LPIN2: variants seen among roughly 807,000 people sequenced by gnomAD.
The protein encoded by LPIN2 is phosphatidate phosphatase LPIN2.
Under a neutral mutation model 111.4 loss-of-function variants are expected in LPIN2, and 55 were observed. The ratio of observed to expected loss-of-function variants is 0.49; its 90% CI spans 0.40 to 0.62. LPIN2 has a LOEUF of 0.62. LPIN2 is among the 20% of genes least tolerant of loss of function. The probability of loss-of-function intolerance (pLI) is 0.00; values close to 1 mark genes in which losing one functional copy is unlikely to be tolerated. For synonymous variants in LPIN2, 425 were observed against 414.0 expected (o/e 1.03, Z -0.32); for missense variants, 992 against 1,112.1 (o/e 0.89, Z 1.54).
intron 2 of LPIN2, among the ~76,000 whole-genome samples, chr18:2,957,289 C>A (rs546407881): frequency 1.3e-5 from 2 of 152,124 alleles, no homozygotes; most frequent in Admixed American, 6.5e-5. Context: ...ATCCAAAAAT[C>A]TGAAATCTAA....
intron 1 of LPIN2, among the ~76,000 whole-genome samples, chr18:2,993,562 T>TA (rs139537001): frequency 0.027 from 4,150 of 152,152 alleles, 84 homozygotes; most frequent in African/African-American, 0.058. Flanking sequence ...TCCCACAACT[T>TA]AGTTTTTACC....
intron 1 of LPIN2, among the ~76,000 whole-genome samples, chr18:2,979,307 C>T (rs1294999944): frequency 1.3e-5 from 2 of 152,176 alleles, no homozygotes; most frequent in Non-Finnish European, 2.9e-5. Context: ...GCTCACCAGG[C>T]ACTCTAACGC....
chr18:2,945,536 C>T, intron 4 of LPIN2: 5 of 1,240,852 alleles, frequency 4.0e-6, no homozygotes, highest in Non-Finnish European at 4.8e-6. Context: ...GCCTTCCTCC[C>T]ATCTCCCACT....
intron 1 of LPIN2, among the ~76,000 whole-genome samples, chr18:3,006,158 T>G (rs954209293): frequency 4.6e-5 from 7 of 152,180 alleles, no homozygotes; most frequent in African/African-American, 1.7e-4. Flanking sequence ...CCTAAAGAAG[T>G]TGTTCAATAA....
At chr18:2,949,942 T>A (rs1167583286) in intron 4 of LPIN2, among the ~76,000 whole-genome samples, 2 of 151,248 alleles carry the variant, frequency 1.3e-5, no homozygotes, top group Non-Finnish European at 2.9e-5. Flanking sequence ...CTACAGAAAA[T>A]TTTTAAAAAC....
intron 1 of LPIN2, among the ~76,000 whole-genome samples, chr18:2,979,416 T>TA (rs2078072487): frequency 6.6e-6 from 1 of 152,178 alleles, no homozygotes; most frequent in Non-Finnish European, 1.5e-5. Flanking sequence ...CCAGCTGTGT[T>TA]ATTCATAAAC....
intron 17 of LPIN2, 47 bp from the exon 18 acceptor site, chr18:2,921,694 T>G (rs756659118): frequency 7.3e-7 from 1 of 1,367,460 alleles, no homozygotes; most frequent in Admixed American, 1.7e-5. Flanking sequence ...AATGGTCGTT[T>G]TCCCCAGTGA....
Position 2,960,801 on chromosome 18 carries a change from T to A in LPIN2, c.40A>T (p.Thr14Ser). 6.2e-7 allele frequency: 1 copy of A among 1,614,104 alleles called. No homozygotes were observed. The highest frequency in any genetic ancestry group is 8.5e-7 in the Non-Finnish European group (1 of 1,180,026). Reference protein sequence around the residue: ...VGQLAGQVIVTVKELYKGINQ... With the variant: ...VGQLAGQVIVSVKELYKGINQ... ...ATGCCCTTGTAGAGTTCCTTCACAGTGACAATCACCTGCCCAGCCAGCTGT... is the reference window on the plus strand; with the variant it reads ...ATGCCCTTGTAGAGTTCCTTCACAGAGACAATCACCTGCCCAGCCAGCTGT... The change falls in exon 2 of 20, where the codon ACT (threonine) becomes TCT (serine). Residue 14 changes from threonine to serine, a missense_variant. By Grantham distance (58) the Thr-to-Ser change is moderately conservative (BLOSUM62 1). Around this residue, in one of 4 missense-constraint regions of LPIN2, gnomAD observed 67 missense variants for 112.1 expected, o/e 0.60. Coordinates refer to ENST00000677752, the MANE Select transcript of LPIN2 (RefSeq NM_001375808.2).
chr18:2,959,928 C>T (rs921131571), intron 2 of LPIN2, among the ~76,000 whole-genome samples: 36 of 151,914 alleles, frequency 2.4e-4, no homozygotes, highest in Admixed American at 8.5e-4. Flanking sequence ...TTTGGGAGGC[C>T]GAGGCCGAAG....
rs55844718 is a variant in LPIN2, at chr18:2,956,311, G to GGTGTGTGTGTGTGTGTGT, written c.193-1730_193-1713dup. ...CATGATTTTCATATATAGATGCAGGGGTGTGTGTGTGTGTGTGTGTGTGTG... is the reference window on the plus strand; with the variant it reads ...CATGATTTTCATATATAGATGCAGGGGTGTGTGTGTGTGTGTGTGTGTGTGTGTGTGTGTGTGTGTGTG... On this transcript the variant is annotated intron_variant, in intron 2 of 19. Transcript: ENST00000677752. Among the ~76,000 whole-genome samples the GGTGTGTGTGTGTGTGTGT allele has an allele frequency of 4.0e-3, 581 of 144,020 alleles. 11 individuals are homozygous for GGTGTGTGTGTGTGTGTGT. Among genetic ancestry groups the GGTGTGTGTGTGTGTGTGT allele is most frequent in the South Asian group, 8.6e-3 (39 of 4,536 alleles). The allele number at this position is 144,020 out of a possible 152,430, so 94.5% of individuals were successfully genotyped here.
At chr18:2,985,391 A>C (rs917598365) in intron 1 of LPIN2, 3 of 152,210 alleles carry the variant, frequency 2.0e-5, no homozygotes, top group African/African-American at 7.2e-5. Flanking sequence ...TAAAATAAAA[A>C]TAAATGACTA....
At position 2,922,160 on chromosome 18, in the gene LPIN2, G is replaced by A. The variant is rs769457477; in HGVS notation, c.2214C>T (p.Ile738=). The part of the protein sequence containing the change: ...YKFLYCSARA[I]GMADMTRGYL... Reference sequence around the variant, plus strand: ...AGCCACGGGTCATGTCGGCCATGCCGATGGCACGAGCCGAGCAGTACAGAA... The same window carrying A: ...AGCCACGGGTCATGTCGGCCATGCCAATGGCACGAGCCGAGCAGTACAGAA... The change falls in exon 17 of 20, where the codon ATC becomes ATT. Residue 738 remains isoleucine (I), a synonymous_variant. Transcript: ENST00000677752. 8 of 1,613,830 alleles carry A rather than the reference G, an allele frequency of 5.0e-6. No homozygotes were observed. Among genetic ancestry groups the A allele is most frequent in the East Asian group, 2.2e-5 (1 of 44,894 alleles).
Position 3,003,022 on chromosome 18 carries a change from C to T in LPIN2, c.-10+10065G>A, listed in dbSNP as rs138386029. On this transcript the variant is annotated intron_variant, in intron 1 of 19. Coordinates refer to ENST00000677752, the MANE Select transcript of LPIN2 (RefSeq NM_001375808.2). The stretch of plus-strand genomic sequence containing the variant: ...GCCTAGTAAGACCTAGAGGTGGATG[C>T]GGGCTCCAGTTTAACATATGACCTC... 1.6e-3 allele frequency among the ~76,000 whole-genome samples: 245 copies of T among 152,340 alleles called. 1 individual carries two copies. Among genetic ancestry groups the T allele is most frequent in the African/African-American group, 5.4e-3 (226 of 41,586 alleles).
At chr18:2,958,505 T>C (rs2143181046) in intron 2 of LPIN2, among the ~76,000 whole-genome samples, 1 of 152,274 alleles carries the variant, frequency 6.6e-6, no homozygotes, top group South Asian at 2.1e-4. Flanking sequence ...AGACAAATAG[T>C]TAATGCAAAT....
chr18:2,999,299 A>T (rs1052448401), intron 1 of LPIN2, among the ~76,000 whole-genome samples: 2 of 152,202 alleles, frequency 1.3e-5, no homozygotes, highest in African/African-American at 2.4e-5. Flanking sequence ...ATGTCCTTAT[A>T]AAAAGAGGAA....
intron 2 of LPIN2, among the ~76,000 whole-genome samples, chr18:2,957,947 T>TGA (rs2077637823): frequency 6.6e-6 from 1 of 151,250 alleles, no homozygotes; most frequent in Non-Finnish European, 1.5e-5. Context: ...GATCAGGTAA[T>TGA]CCTAGCCAAC....
chr18:2,981,937 A>T (rs918966275), intron 1 of LPIN2, among the ~76,000 whole-genome samples: 2 of 152,238 alleles, frequency 1.3e-5, no homozygotes, highest in South Asian at 2.1e-4. Flanking sequence ...TTTAAAAAAT[A>T]ACCTTGAAAA....
At chr18:2,931,057 C>G (rs935937527) in intron 9 of LPIN2, among the ~76,000 whole-genome samples, 199 bp downstream of exon 9, 6 of 152,156 alleles carry the variant, frequency 3.9e-5, no homozygotes, top group Non-Finnish European at 8.8e-5. Flanking sequence ...GGCACACTAC[C>G]TCAAAGCCAC....
intron 2 of LPIN2, among the ~76,000 whole-genome samples, chr18:2,958,600 T>C (rs1273703457): frequency 6.6e-6 from 1 of 152,132 alleles, no homozygotes; most frequent in Non-Finnish European, 1.5e-5. Context: ...TTTTGGTAAA[T>C]CAAATGGCCA....
Sources: allele counts gnomAD v4.1 joint callset (sites outside exome capture counted in the v4.1 genomes callset), GRCh38; gene constraint gnomAD v4.1.1; regional missense constraint gnomAD v4.1.1; transcripts MANE v1.5; gene names NCBI Gene and HGNC (gene_info 2026-07-23, HGNC 2026-07-21).